Variants in ZNF804B observed in about 807,000 individuals in gnomAD.
ZNF804B encodes the protein zinc finger 804B.
Under a neutral mutation model 101.4 loss-of-function variants are expected in ZNF804B, and 80 were observed. The ratio of observed to expected loss-of-function variants is 0.79; its 90% CI spans 0.66 to 0.95. The LOEUF (loss-of-function observed/expected upper bound fraction) is 0.95. Ranked by LOEUF, ZNF804B falls within the 40% of genes least tolerant of loss-of-function variation. The pLI, the probability that ZNF804B is intolerant of heterozygous loss-of-function variation, is 0.00. For synonymous variants in ZNF804B, 622 were observed against 558.8 expected (o/e 1.11, Z -1.59); for missense variants, 1,673 against 1,561.9 (o/e 1.07, Z -1.20).
chr7:88,902,684 T>A (rs1792410086), intron 1 of ZNF804B, among the ~76,000 whole-genome samples: 1 of 152,182 alleles, frequency 6.6e-6, no homozygotes, highest in East Asian at 1.9e-4. Flanking sequence ...CTCTTTCTAC[T>A]TTAAATATAA....
chr7:88,810,502 A>C (rs930309053), intron 1 of ZNF804B, among the ~76,000 whole-genome samples: 2 of 151,826 alleles, frequency 1.3e-5, no homozygotes, highest in Non-Finnish European at 2.9e-5. Context: ...AAGTCCAAAA[A>C]AAAAAAAAAA....
intron 1 of ZNF804B, among the ~76,000 whole-genome samples, chr7:88,990,918 T>C (rs904887647): frequency 6.6e-6 from 1 of 152,166 alleles, no homozygotes; most frequent in Non-Finnish European, 1.5e-5. Flanking sequence ...TTAGTTTTGT[T>C]TCTTTTTTAA....
At chr7:89,257,300 G>A (rs937596936) in intron 2 of ZNF804B, among the ~76,000 whole-genome samples, 7 of 152,034 alleles carry the variant, frequency 4.6e-5, no homozygotes, top group Admixed American at 6.6e-5. Flanking sequence ...TTTGAATATA[G>A]CATATTATAT....
At chr7:88,990,240 C>A (rs1205096267) in intron 1 of ZNF804B, among the ~76,000 whole-genome samples, 2 of 151,802 alleles carry the variant, frequency 1.3e-5, no homozygotes, top group Non-Finnish European at 2.9e-5. Context: ...ACTTCTTGGG[C>A]ACATCATGGG....
chr7:89,103,819 G>A (rs546819088), intron 1 of ZNF804B, among the ~76,000 whole-genome samples: 3 of 151,948 alleles, frequency 2.0e-5, no homozygotes, highest in Non-Finnish European at 4.4e-5. Context: ...ATTCTTAGAG[G>A]AAATGCTTTC....
At chr7:89,026,308 A>G (rs926191063) in intron 1 of ZNF804B, among the ~76,000 whole-genome samples, 1 of 152,210 alleles carries the variant, frequency 6.6e-6, no homozygotes, top group Non-Finnish European at 1.5e-5. Context: ...TGTAGGGGAC[A>G]ATAGCTTACA....
chr7:89,170,790 C>T (rs1328021342), intron 1 of ZNF804B, among the ~76,000 whole-genome samples: 1 of 152,234 alleles, frequency 6.6e-6, no homozygotes, highest in Non-Finnish European at 1.5e-5. Context: ...TTCTCCCCTA[C>T]AGGTGCCACC....
intron 1 of ZNF804B, among the ~76,000 whole-genome samples, chr7:89,091,733 T>C (rs563848080): frequency 6.6e-6 from 1 of 152,302 alleles, no homozygotes; most frequent in South Asian, 2.1e-4. Context: ...CTACAAGGAT[T>C]CAGTGCCTTT....
At chr7:88,828,004 T>A (rs1006038825) in intron 1 of ZNF804B, among the ~76,000 whole-genome samples, 1 of 152,154 alleles carries the variant, frequency 6.6e-6, no homozygotes, top group Non-Finnish European at 1.5e-5. Flanking sequence ...CTCTTTTTTC[T>A]TTTTGTCACA....
chr7:88,932,587 T>G (rs751970547), intron 1 of ZNF804B, among the ~76,000 whole-genome samples: 2 of 151,600 alleles, frequency 1.3e-5, no homozygotes, highest in African/African-American at 2.4e-5. Flanking sequence ...ACCATAGAAA[T>G]TCCAAAGATC....
intron 1 of ZNF804B, among the ~76,000 whole-genome samples, chr7:88,984,161 A>G (rs1291938437): frequency 6.6e-6 from 1 of 152,058 alleles, no homozygotes; most frequent in Non-Finnish European, 1.5e-5. Context: ...ACTCTAGCAC[A>G]GAGATATGTG....
intron 2 of ZNF804B, among the ~76,000 whole-genome samples, chr7:89,314,022 G>A (rs898421453): frequency 1.3e-5 from 2 of 152,046 alleles, no homozygotes; most frequent in South Asian, 4.1e-4. Flanking sequence ...TTCCCTCTAG[G>A]AAATATAAGA....
At chr7:89,329,485 G>T (rs2115987758) in intron 3 of ZNF804B, among the ~76,000 whole-genome samples, 1 of 151,788 alleles carries the variant, frequency 6.6e-6, no homozygotes, top group Admixed American at 6.6e-5. Context: ...TCCTCATAAT[G>T]AGGGCTTCTG....
chr7:88,806,025 A>T (rs1429153757), intron 1 of ZNF804B, among the ~76,000 whole-genome samples: 1 of 150,972 alleles, frequency 6.6e-6, no homozygotes, highest in Non-Finnish European at 1.5e-5. Flanking sequence ...ATAGTGGCTG[A>T]TCTAACTATG....
At chr7:88,938,563 T>A (rs957695326) in intron 1 of ZNF804B, among the ~76,000 whole-genome samples, 9 of 152,034 alleles carry the variant, frequency 5.9e-5, no homozygotes, top group African/African-American at 1.9e-4. Flanking sequence ...CTGATGAGAA[T>A]GTATGATTTG....
intron 1 of ZNF804B, among the ~76,000 whole-genome samples, chr7:89,176,274 G>T (rs1791316949): frequency 6.6e-6 from 1 of 151,784 alleles, no homozygotes; most frequent in South Asian, 2.1e-4. Flanking sequence ...TCCATACCCA[G>T]TTTTTTGAGG....
intron 1 of ZNF804B, among the ~76,000 whole-genome samples, chr7:88,923,445 T>C (rs1336457108): frequency 2.0e-5 from 3 of 152,148 alleles, no homozygotes; most frequent in Non-Finnish European, 2.9e-5. Context: ...ATAATGTTTG[T>C]CATCCAATTA....
chr7:89,175,368 G>A (rs12669832), intron 1 of ZNF804B, among the ~76,000 whole-genome samples: 17,492 of 151,918 alleles, frequency 0.12, 1,275 homozygotes, highest in Middle Eastern at 0.22. Context: ...CACCTTTGTC[G>A]AAAATGAGTT....
intron 2 of ZNF804B, among the ~76,000 whole-genome samples, chr7:89,296,408 T>C (rs1584110871): frequency 6.6e-6 from 1 of 152,150 alleles, no homozygotes; most frequent in East Asian, 1.9e-4. Context: ...AAAACTAGGA[T>C]ATATGATGGA....
Sources: gnomAD v4.1 joint callset for allele counts (sites outside exome capture counted in the v4.1 genomes callset) on GRCh38, gnomAD v4.1.1 for gene constraint, MANE v1.5 for transcripts, NCBI Gene and HGNC (gene_info 2026-07-23, HGNC 2026-07-21) for gene names.